Variants in EDIL3 observed in about 807,000 individuals in gnomAD.
EDIL3 encodes the protein EGF like and discoidin domains 3.
Under a neutral mutation model 67.4 loss-of-function variants are expected in EDIL3, and 37 were observed. The ratio of observed to expected loss-of-function variants is 0.55; its 90% confidence interval spans 0.42 to 0.72. The LOEUF is 0.72. EDIL3 is among the 30% of genes least tolerant of loss of function. EDIL3 has a pLI of 0.00. For missense variants in EDIL3, 527 were observed against 586.3 expected (o/e 0.90, Z 1.04); for synonymous variants, 195 against 196.3 (o/e 0.99, Z 0.05).
intron 9 of EDIL3, among the ~76,000 whole-genome samples, chr5:83,990,009 T>C (rs1045151553): frequency 6.6e-6 from 1 of 152,182 alleles, no homozygotes; most frequent in Non-Finnish European, 1.5e-5. Context: ...TTGAATGTGC[T>C]TGGAAGCAGA....
rs78250976 is a variant in EDIL3 at position 83,984,459 on chromosome 5, C to T, written c.1138-21099G>A. Among the ~76,000 whole-genome samples, 1,171 of 152,012 alleles carry T rather than the reference C, an allele frequency of 7.7e-3. 12 individuals are homozygous for T. Among genetic ancestry groups the T allele is most frequent in the African/African-American group, 0.027 (1,112 of 41,436 alleles). On this transcript the variant is annotated intron_variant, in intron 9 of 10. Coordinates refer to ENST00000296591, the MANE Select transcript of EDIL3 (RefSeq NM_005711.5). ...ATTTGGGAAATGGTGGAATATCATC[C>T]GGGGAATCAACTGGAAAACCAAGTA... is the stretch of plus-strand genomic sequence containing the variant.
intron 4 of EDIL3, among the ~76,000 whole-genome samples, chr5:84,158,575 A>G (rs2112337048): frequency 6.6e-6 from 1 of 152,186 alleles, no homozygotes; most frequent in South Asian, 2.1e-4. Context: ...AGATACATTC[A>G]TATTCCTCAG....
At position 84,285,058 on chromosome 5, in the gene EDIL3, T is replaced by C. The variant is rs150046993; in HGVS notation, c.68-30846A>G. Among the ~76,000 whole-genome samples the C allele has an allele frequency of 7.4e-4, 113 of 152,304 alleles. 1 individual carries two copies. The highest frequency in any genetic ancestry group is 2.7e-3 in the African/African-American group (111 of 41,568). On this transcript the variant is annotated intron_variant, in intron 1 of 10. Coordinates refer to ENST00000296591, the MANE Select transcript of EDIL3 (RefSeq NM_005711.5). ...GAGTGTTTCTAAAGGCATGTGTAAG[T>C]TATTCTGTGTTAAATAGCACTATGA... is the stretch of plus-strand genomic sequence containing the variant.
At chr5:84,324,826 G>C (rs1238682812) in intron 1 of EDIL3, among the ~76,000 whole-genome samples, 2 of 151,356 alleles carry the variant, frequency 1.3e-5, no homozygotes, top group Non-Finnish European at 3.0e-5. Context: ...ATGAATTTTT[G>C]AAACAAAAGC....
chr5:83,965,708 T>C lies in EDIL3; in HGVS notation c.1138-2348A>G, dbSNP rs540204823. ...TGTTTTCTCCCCAAGTTGTGTGTCTTGGCACTTTCCAACAGATACGTTTTT... is the reference window on the plus strand; with the variant it reads ...TGTTTTCTCCCCAAGTTGTGTGTCTCGGCACTTTCCAACAGATACGTTTTT... On this transcript the variant is annotated intron_variant, in intron 9 of 10. Coordinates refer to ENST00000296591, the MANE Select transcript of EDIL3 (RefSeq NM_005711.5). Among the ~76,000 whole-genome samples the C allele has an allele frequency of 1.1e-3, 174 of 152,150 alleles. 1 individual carries two copies. The highest frequency in any genetic ancestry group is 1.8e-3 in the Non-Finnish European group (122 of 67,972).
chr5:84,104,548 C>T (rs1014439311), intron 6 of EDIL3, among the ~76,000 whole-genome samples: 6 of 151,850 alleles, frequency 4.0e-5, no homozygotes, highest in African/African-American at 1.5e-4. Flanking sequence ...ATTTGAGGTT[C>T]TCACTCTAAT....
chr5:84,257,349 G>C (rs1182245765), intron 1 of EDIL3, among the ~76,000 whole-genome samples: 1 of 152,122 alleles, frequency 6.6e-6, no homozygotes, highest in Non-Finnish European at 1.5e-5. Flanking sequence ...GCCAACTGTT[G>C]TTTAACTGAC....
At chr5:84,148,287 G>C (rs1034088353) in intron 4 of EDIL3, among the ~76,000 whole-genome samples, 2 of 152,120 alleles carry the variant, frequency 1.3e-5, no homozygotes, top group African/African-American at 4.8e-5. Flanking sequence ...TTTATCATCA[G>C]AGTAAATAAA....
At chr5:84,059,883 C>G (rs1306406042) in intron 9 of EDIL3, among the ~76,000 whole-genome samples, 1 of 152,164 alleles carries the variant, frequency 6.6e-6, no homozygotes, top group East Asian at 1.9e-4. Context: ...AGGTAAGGAG[C>G]TAATATGTCA....
intron 9 of EDIL3, among the ~76,000 whole-genome samples, chr5:84,043,595 A>G (rs1408378107): frequency 6.6e-6 from 1 of 152,214 alleles, no homozygotes; most frequent in African/African-American, 2.4e-5. Flanking sequence ...AGCCATGAAA[A>G]AATGGAACTC....
At chr5:84,002,261 G>T (rs1034194891) in intron 9 of EDIL3, among the ~76,000 whole-genome samples, 8 of 151,950 alleles carry the variant, frequency 5.3e-5, no homozygotes, top group African/African-American at 1.7e-4. Flanking sequence ...CAAATAACTG[G>T]GGATAGAAGG....
At chr5:84,044,799 C>T (rs1248505608) in intron 9 of EDIL3, among the ~76,000 whole-genome samples, 1 of 152,114 alleles carries the variant, frequency 6.6e-6, no homozygotes, top group Non-Finnish European at 1.5e-5. Flanking sequence ...GAAGTGGCAG[C>T]AGTTGGCACC....
intron 1 of EDIL3, among the ~76,000 whole-genome samples, chr5:84,260,329 C>A (rs1745203860): frequency 6.6e-6 from 1 of 152,134 alleles, no homozygotes; most frequent in Non-Finnish European, 1.5e-5. Context: ...ATTCTAGGCA[C>A]AGGGAACAGG....
intron 4 of EDIL3, among the ~76,000 whole-genome samples, chr5:84,157,155 A>G (rs185673980): frequency 6.6e-6 from 1 of 152,224 alleles, no homozygotes; most frequent in African/African-American, 2.4e-5. Flanking sequence ...ATTGATAAGA[A>G]TCTCTATACA....
chr5:84,041,641 C>T (rs1211306261), intron 9 of EDIL3, among the ~76,000 whole-genome samples: 1 of 145,382 alleles, frequency 6.9e-6, no homozygotes, highest in Non-Finnish European at 1.5e-5. Context: ...TATACATATA[C>T]TTACATATAT....
intron 1 of EDIL3, among the ~76,000 whole-genome samples, chr5:84,315,215 T>C (rs764410426): frequency 5.3e-5 from 8 of 152,200 alleles, no homozygotes; most frequent in Non-Finnish European, 8.8e-5. Context: ...GCTTAGCTTA[T>C]GTATAAATGA....
chr5:84,066,563 TGG>T lies in EDIL3; in HGVS notation c.693_694del (p.Gln232ArgfsTer20). ...TGGGCTTCCAATCCTCTTGGCTCCT[TGG>T]GTAATCACACCAGTAACTCTCATTT... is the stretch of plus-strand genomic sequence containing the variant. On this transcript the variant is annotated frameshift_variant, in exon 7 of 11. Coordinates refer to ENST00000296591, the MANE Select transcript of EDIL3 (RefSeq NM_005711.5). LOFTEE classifies it high-confidence loss of function. 1 of 1,613,596 alleles carries T rather than the reference TGG, an allele frequency of 6.2e-7. No individual in the cohort carries two copies. Among genetic ancestry groups the T allele is most frequent in the Non-Finnish European group, 8.5e-7 (1 of 1,179,866 alleles).
In EDIL3 at chr5:83,941,837, T is replaced by C. The variant is rs1401820906; in HGVS notation, c.*1582A>G. The C allele has an allele frequency of 1.3e-5, 2 of 151,972 alleles. No individual in the cohort carries two copies. The highest frequency in any genetic ancestry group is 2.9e-5 in the Non-Finnish European group (2 of 67,904). 9.4% of individuals were successfully genotyped at this position (151,972 alleles called of 1,614,324 possible). A position where few individuals can be genotyped will look rare whatever the true frequency, so the allele number is the denominator to read the frequency against. ...GTTCTTATTAAAAATGCCAATACAA[T>C]TGACTTTCTCTTTAAATTCTTCACT... On this transcript the variant is annotated 3_prime_UTR_variant, in exon 11 of 11. Transcript: ENST00000296591.
intron 5 of EDIL3, among the ~76,000 whole-genome samples, chr5:84,119,132 G>A (rs1207347496): frequency 6.6e-6 from 1 of 150,982 alleles, no homozygotes; most frequent in East Asian, 1.9e-4. Context: ...CGTAGTTGGA[G>A]GAGACTGACC....
Sources: gnomAD v4.1 joint callset for allele counts (sites outside exome capture counted in the v4.1 genomes callset) on GRCh38, gnomAD v4.1.1 for gene constraint, MANE v1.5 for transcripts, NCBI Gene and HGNC (gene_info 2026-07-23, HGNC 2026-07-21) for gene names.